The following SNX13 variants were observed in gnomAD, a reference collection of about 807,000 sequenced individuals.
SNX13 encodes the protein sorting nexin-13.
Under a neutral mutation model 133.6 loss-of-function variants are expected in SNX13, and 45 were observed. The observed-to-expected ratio is 0.34, with a 90% CI of 0.27 to 0.43. The LOEUF is 0.43. SNX13 is among the 20% of genes least tolerant of loss of function. SNX13 has a pLI of 1.00. For synonymous variants in SNX13, 414 were observed against 373.9 expected (o/e 1.11, Z -1.24); for missense variants, 1,032 against 1,145.1 (o/e 0.90, Z 1.43).
intron 20 of SNX13, among the ~76,000 whole-genome samples, chr7:17,810,554 G>T (rs1785887481): frequency 6.6e-6 from 1 of 151,966 alleles, no homozygotes; most frequent in African/African-American, 2.4e-5. Context: ...TCTACTAGAG[G>T]TACAAATTCT....
At chr7:17,904,178 T>C (rs997619280) in intron 1 of SNX13, among the ~76,000 whole-genome samples, 16 of 152,334 alleles carry the variant, frequency 1.1e-4, no homozygotes, top group African/African-American at 3.1e-4. Flanking sequence ...ATATTTATGA[T>C]AGGAAAGGCA....
At chr7:17,877,928 C>A (rs1009334128) in intron 5 of SNX13, among the ~76,000 whole-genome samples, 3 of 151,914 alleles carry the variant, frequency 2.0e-5, no homozygotes, top group Admixed American at 6.6e-5. Context: ...TTAGGAAGAA[C>A]AATAGCACAC....
chr7:17,869,316 T>C (rs1001413284), intron 8 of SNX13, among the ~76,000 whole-genome samples: 3 of 152,106 alleles, frequency 2.0e-5, no homozygotes, highest in African/African-American at 7.2e-5. Flanking sequence ...CTCAAAAATA[T>C]TTACCTTCCT....
rs572809100 is a variant in SNX13 at position 17,858,629 on chromosome 7, C to T, written c.838-7665G>A. Among the ~76,000 whole-genome samples, 6 of 152,058 alleles carry T rather than the reference C, an allele frequency of 3.9e-5. No homozygotes were observed. The South Asian group carries it at 6.2e-4, about 16-fold the overall frequency. On this transcript the variant is annotated intron_variant, in intron 9 of 25. Transcript: ENST00000428135. ...TAATAGGTTTTTAATAAAAACTAAA[C>T]GTTTGATAAATTTTATGTGAAAAAT...
At chr7:17,828,212 T>C (rs190384168) in intron 16 of SNX13, among the ~76,000 whole-genome samples, 105 of 151,836 alleles carry the variant, frequency 6.9e-4, no homozygotes, top group Non-Finnish European at 6.4e-4. Context: ...AAATATCAAG[T>C]GGACTATAAA....
intron 5 of SNX13, chr7:17,888,402 C>A (rs1583635610): frequency 4.7e-6 from 1 of 214,690 alleles, no homozygotes; most frequent in East Asian, 1.5e-4. Flanking sequence ...ACTAGGGGAT[C>A]AAAAACAGGG....
intron 13 of SNX13, among the ~76,000 whole-genome samples, chr7:17,836,923 G>C (rs146981822): frequency 6.6e-6 from 1 of 152,066 alleles, no homozygotes; most frequent in African/African-American, 2.4e-5. Flanking sequence ...TCGAGTCCAT[G>C]ATGCAGTAGG....
At chr7:17,845,396 G>C (rs899886534) in intron 12 of SNX13, among the ~76,000 whole-genome samples, 199 bp downstream of exon 12, 2 of 152,032 alleles carry the variant, frequency 1.3e-5, no homozygotes, top group African/African-American at 2.4e-5. Context: ...GGAGAGAGTT[G>C]GTGTTTAATG....
intron 22 of SNX13, among the ~76,000 whole-genome samples, chr7:17,800,055 T>C (rs960331128): frequency 2.0e-5 from 3 of 151,662 alleles, no homozygotes; most frequent in African/African-American, 7.2e-5. Context: ...TCAAAACCAG[T>C]AGGGAGAGGG....
chr7:17,852,511 T>C (rs1448381805), intron 9 of SNX13, among the ~76,000 whole-genome samples: 2 of 152,166 alleles, frequency 1.3e-5, no homozygotes, highest in Non-Finnish European at 2.9e-5. Context: ...ATTATTCTCT[T>C]TGACTTGTAA....
intron 1 of SNX13, among the ~76,000 whole-genome samples, chr7:17,938,415 TA>T (rs1018172421): frequency 6.6e-6 from 1 of 152,210 alleles, no homozygotes; most frequent in African/African-American, 2.4e-5. Flanking sequence ...TTCAGTTTCC[TA>T]ATCTATAAAC....
intron 20 of SNX13, among the ~76,000 whole-genome samples, chr7:17,809,049 T>G (rs1322732865): frequency 6.6e-6 from 1 of 152,062 alleles, no homozygotes; most frequent in South Asian, 2.1e-4. Context: ...CTGCATTAAC[T>G]AACGAGCAAA....
chr7:17,855,502 A>C (rs1290636021), intron 9 of SNX13, among the ~76,000 whole-genome samples: 1 of 152,158 alleles, frequency 6.6e-6, no homozygotes, highest in Non-Finnish European at 1.5e-5. Context: ...GCTAGTAGTG[A>C]CTCTAAGTTG....
chr7:17,796,135 T>C (rs903859199), intron 25 of SNX13: 1 of 151,618 alleles, frequency 6.6e-6, no homozygotes, highest in Non-Finnish European at 1.5e-5. Flanking sequence ...CATCACCACC[T>C]CCCAGCCGCA....
chr7:17,832,604 T>A, intron 15 of SNX13: 1 of 431,156 alleles, frequency 2.3e-6, no homozygotes, highest in Non-Finnish European at 3.1e-6. Flanking sequence ...ATAGCATCTC[T>A]ATAAAAGAAC....
chr7:17,884,928 C>T (rs1051873085), intron 5 of SNX13, among the ~76,000 whole-genome samples: 7 of 152,148 alleles, frequency 4.6e-5, no homozygotes, highest in Admixed American at 4.6e-4. Context: ...TAACAAAATA[C>T]AGCCACTATG....
At chr7:17,809,616 G>A (rs147153913) in intron 20 of SNX13, among the ~76,000 whole-genome samples, 294 of 152,182 alleles carry the variant, frequency 1.9e-3, no homozygotes, top group African/African-American at 5.6e-3. Flanking sequence ...TGGACCAAGC[G>A]GACCTAACAG....
intron 18 of SNX13, among the ~76,000 whole-genome samples, chr7:17,817,724 CTCACTGAACA>C (rs1786815999): frequency 6.6e-6 from 1 of 151,988 alleles, no homozygotes; most frequent in Non-Finnish European, 1.5e-5. Flanking sequence ...GAAATGGGTC[CTCACTGAACA>C]TCACATGTGA....
At chr7:17,835,079 C>T (rs367640805) in intron 13 of SNX13, among the ~76,000 whole-genome samples, 8 of 151,938 alleles carry the variant, frequency 5.3e-5, no homozygotes, top group African/African-American at 1.4e-4. Context: ...GGCAAACAAA[C>T]ACGGATTTAA....
Sources: gnomAD v4.1 joint callset for allele counts (sites outside exome capture counted in the v4.1 genomes callset) on GRCh38, gnomAD v4.1.1 for gene constraint, MANE v1.5 for transcripts, NCBI Gene and HGNC (gene_info 2026-07-23, HGNC 2026-07-21) for gene names.